The following NUP205 variants were observed in gnomAD, a reference collection of about 807,000 sequenced individuals.
The protein encoded by NUP205 is nucleoporin 205, also known as nuclear pore complex protein Nup205.
Under a neutral mutation model 253.8 loss-of-function variants are expected in NUP205, and 76 were observed. That is an observed-to-expected ratio of 0.30 (90% CI 0.25 to 0.36). The LOEUF (loss-of-function observed/expected upper bound fraction) is 0.36. NUP205 is among the 10% of genes least tolerant of loss of function. NUP205 has a pLI of 1.00. For missense variants in NUP205, 2,162 were observed against 2,425.5 expected, an observed-to-expected ratio of 0.89 and a Z score of 2.28; for synonymous variants, 832 against 850.1, an observed-to-expected ratio of 0.98 and a Z score of 0.37.
At chr7:135,596,641 T>C (rs2129490411) in intron 13 of NUP205, among the ~76,000 whole-genome samples, 2 of 152,226 alleles carry the variant, frequency 1.3e-5, no homozygotes, top group South Asian at 4.2e-4. Flanking sequence ...TTGAGCCTCC[T>C]TTAATAAGCC....
intron 2 of NUP205, among the ~76,000 whole-genome samples, chr7:135,572,018 C>T (rs1036227578): frequency 3.3e-5 from 5 of 152,064 alleles, no homozygotes; most frequent in African/African-American, 1.2e-4. Flanking sequence ...AGGTGTGTGC[C>T]ACCGTGCCCA....
chr7:135,570,757 T>A (rs182223266), intron 1 of NUP205, among the ~76,000 whole-genome samples: 56 of 63,536 alleles, frequency 8.8e-4, no homozygotes, highest in East Asian at 5.3e-3. Flanking sequence ...TAATTATATT[T>A]ATATATTATA....
At position 135,598,222 on chromosome 7, in the gene NUP205, A is replaced by C; in HGVS notation, c.2274+15A>C. The C allele has an allele frequency of 6.2e-7, 1 of 1,609,354 alleles. No individual in the cohort carries two copies. Among genetic ancestry groups the C allele is most frequent in the Non-Finnish European group, 8.5e-7 (1 of 1,176,732 alleles). Reference sequence around the variant, plus strand: ...CAGCTGAAAAGGTTATGTTCAGAGAAAAGCTTTTTTCTCCTTATGCATTTA... The same window carrying C: ...CAGCTGAAAAGGTTATGTTCAGAGACAAGCTTTTTTCTCCTTATGCATTTA... On this transcript the variant is annotated intron_variant, in intron 15 of 42. Transcript: ENST00000285968.
chr7:135,646,329 G>A (rs1795009231), intron 42 of NUP205, 98 bp downstream of exon 42: 5 of 848,932 alleles, frequency 5.9e-6, no homozygotes, highest in South Asian at 3.0e-5. Flanking sequence ...TTGGGAGGCC[G>A]AGACGGGAGG....
intron 35 of NUP205, among the ~76,000 whole-genome samples, chr7:135,631,736 T>TTTTC (rs1554467211): frequency 2.0e-5 from 3 of 147,586 alleles, no homozygotes; most frequent in African/African-American, 4.9e-5. Flanking sequence ...GTATTTTTTT[T>TTTTC]TTTCTTTCTT....
At position 135,645,456 on chromosome 7, in the gene NUP205, G is replaced by A; in HGVS notation, c.5684-12G>A. The A allele has an allele frequency of 5.6e-6, 9 of 1,608,870 alleles. No homozygotes were observed. Among genetic ancestry groups the A allele is most frequent in the Non-Finnish European group, 7.6e-6 (9 of 1,178,518 alleles). On this transcript the variant is annotated splice_polypyrimidine_tract_variant and intron_variant, in intron 40 of 42. Coordinates refer to ENST00000285968, the MANE Select transcript of NUP205 (RefSeq NM_015135.3). ...ATGAGATTATGTTCCTTTAATCTGA[G>A]CTCTGGTATAGTTATCATAGAGACC...
At chr7:135,600,658 A>G (rs1272196425) in intron 15 of NUP205, among the ~76,000 whole-genome samples, 1 of 151,874 alleles carries the variant, frequency 6.6e-6, no homozygotes, top group Non-Finnish European at 1.5e-5. Context: ...ATGCATTGAA[A>G]ATATTTTACC....
At chr7:135,598,906 T>C (rs1793907269) in intron 15 of NUP205, 1 of 152,224 alleles carries the variant, frequency 6.6e-6, no homozygotes, top group South Asian at 2.1e-4. Context: ...TGTAAGAGAC[T>C]CTTCCAGGTT....
At chr7:135,610,330 C>T (rs1794196436) in intron 22 of NUP205, among the ~76,000 whole-genome samples, 1 of 152,200 alleles carries the variant, frequency 6.6e-6, no homozygotes, top group South Asian at 2.1e-4. Context: ...AAGCGATTCT[C>T]CTGCCTCAGC....
Position 135,597,321 on chromosome 7 carries a change from T to C in NUP205, c.2014-47T>C, listed in dbSNP as rs1009171251. On this transcript the variant is annotated intron_variant, in intron 13 of 42. Transcript: ENST00000285968. ...TATATTGCAAAGCCACTAATATTCA[T>C]TGATGAATGAGGAATGCTCCTGACA... is the stretch of plus-strand genomic sequence containing the variant. 5 of 1,395,502 alleles carry C rather than the reference T, an allele frequency of 3.6e-6. No homozygotes were observed. The African/African-American group carries it at 7.1e-5, about 20-fold the overall frequency. 86.4% of individuals were successfully genotyped at this position (1,395,502 alleles called of 1,614,324 possible). A position where few individuals can be genotyped will look rare whatever the true frequency, so the allele number is the denominator to read the frequency against.
intron 7 of NUP205, among the ~76,000 whole-genome samples, chr7:135,583,247 A>G (rs1806358828): frequency 6.6e-6 from 1 of 152,226 alleles, no homozygotes; most frequent in Admixed American, 6.5e-5. Context: ...TATGACAGTC[A>G]AACAGAATAA....
In NUP205 at chr7:135,615,962, T is replaced by C; in HGVS notation, c.3357T>C (p.Thr1119=). The change falls in exon 24 of 43, where the codon ACT becomes ACC. Residue 1119 remains threonine (T), a synonymous_variant. Transcript: ENST00000285968. ...MLNQMSWLMK[T]ASIELRVTSL... is the part of the protein sequence containing the mutation. ...ACCAGATGTCATGGCTTATGAAAACTGCCTCAATAGAGCTAAGGGTAACCT... is the reference window on the plus strand; with the variant it reads ...ACCAGATGTCATGGCTTATGAAAACCGCCTCAATAGAGCTAAGGGTAACCT... The C allele has an allele frequency of 6.2e-7, 1 of 1,613,656 alleles. No individual in the cohort carries two copies. Among genetic ancestry groups the C allele is most frequent in the Non-Finnish European group, 8.5e-7 (1 of 1,179,664 alleles).
Position 135,648,433 on chromosome 7 carries a change from A to G in NUP205, c.5916A>G (p.Gly1972=), listed in dbSNP as rs765107854. 3.1e-6 allele frequency: 5 copies of G among 1,598,976 alleles called. No individual in the cohort carries two copies. The highest frequency in any genetic ancestry group is 3.4e-6 in the Non-Finnish European group (4 of 1,175,454). The change falls in exon 43 of 43, where the codon GGA becomes GGG. Residue 1972 remains glycine (G), a synonymous_variant. Transcript: ENST00000285968. ...AGGCTGATGCAATCAACGCTTTTGGAGAATCACTACAAAAGAAACTTCTGG... is the reference window on the plus strand; with the variant it reads ...AGGCTGATGCAATCAACGCTTTTGGGGAATCACTACAAAAGAAACTTCTGG... ...QLQADAINAF[G]ESLQKKLLDI... is the part of the protein sequence containing the mutation.
In NUP205 at chr7:135,630,520, ATAAAT is replaced by A. The variant is rs755713032; in HGVS notation, c.5059+54_5059+58del. On this transcript the variant is annotated intron_variant, in intron 35 of 42. Coordinates refer to ENST00000285968, the MANE Select transcript of NUP205 (RefSeq NM_015135.3). Reference sequence around the variant, plus strand: ...TTTTAATAATTCTTTAAAGACTGACATAAATTAATAGAATGAGTTTTTTTGTTACT... The same window carrying A: ...TTTTAATAATTCTTTAAAGACTGACATAATAGAATGAGTTTTTTTGTTACT... 9 of 1,517,392 alleles carry A rather than the reference ATAAAT, an allele frequency of 5.9e-6. No individual in the cohort carries two copies. The South Asian group carries it at 9.9e-5, about 17-fold the overall frequency. 94.0% of individuals were successfully genotyped at this position (1,517,392 alleles called of 1,614,324 possible).
At chr7:135,648,246 G>A (rs926805334) in intron 42 of NUP205, among the ~76,000 whole-genome samples, 158 bp from the exon 43 acceptor site, 11 of 152,200 alleles carry the variant, frequency 7.2e-5, no homozygotes, top group African/African-American at 2.7e-4. Flanking sequence ...AAATGTGAAT[G>A]TTTAGTTAAT....
At chr7:135,614,299 T>A in intron 23 of NUP205, 26 bp downstream of exon 23, 1 of 1,141,146 alleles carries the variant, frequency 8.8e-7, no homozygotes, top group Non-Finnish European at 1.3e-6. Flanking sequence ...CCCGTATTTA[T>A]AAGAACACAT....
At chr7:135,615,403 A>C (rs1179893740) in intron 23 of NUP205, among the ~76,000 whole-genome samples, 1 of 152,164 alleles carries the variant, frequency 6.6e-6, no homozygotes, top group East Asian at 1.9e-4. Flanking sequence ...CTACAATAAA[A>C]AATAAATAAA....
Position 135,593,040 on chromosome 7 carries a change from C to A in NUP205, c.1678C>A (p.His560Asn). The A allele has an allele frequency of 6.2e-7, 1 of 1,613,950 alleles. No individual in the cohort carries two copies. The highest frequency in any genetic ancestry group is 8.5e-7 in the Non-Finnish European group (1 of 1,179,912). ...GSPVSWEHFF[H>N]SLMLYHEHLR... ...TCCTGTTTCCTGGGAACATTTCTTT[C>A]ACTCCTTGATGCTTTACCACGAACA... Residue 560 changes from histidine (H) to asparagine (N), a missense_variant, in exon 12 of 43, where the codon CAC becomes AAC. This residue lies in a region of NUP205 where 892 missense variants were observed against 957.1 expected (regional missense o/e 0.93). Coordinates refer to ENST00000285968, the MANE Select transcript of NUP205 (RefSeq NM_015135.3).
At chr7:135,570,812 A>G (rs190485316) in intron 1 of NUP205, among the ~76,000 whole-genome samples, 1,399 of 65,682 alleles carry the variant, frequency 0.021, 52 homozygotes, top group South Asian at 0.069. Context: ...AATATATATT[A>G]ATTATATTAA....
Sources: allele counts gnomAD v4.1 joint callset (sites outside exome capture counted in the v4.1 genomes callset), GRCh38; gene constraint gnomAD v4.1.1; regional missense constraint gnomAD v4.1.1; transcripts MANE v1.5; gene names NCBI Gene and HGNC (gene_info 2026-07-23, HGNC 2026-07-21).